CELSR2: variants seen among roughly 807,000 people sequenced by gnomAD.
CELSR2 encodes EGF-like protein 2.
A neutral mutation model predicts 251.6 loss-of-function variants in CELSR2; 81 were observed. That is an observed-to-expected ratio of 0.32 (90% CI 0.27 to 0.39). CELSR2 has a LOEUF of 0.39. Among genes scored for constraint, CELSR2 ranks in the 10% least tolerant of loss-of-function variants. The probability of loss-of-function intolerance (pLI) is 1.00; values close to 1 mark genes in which losing one functional copy is unlikely to be tolerated. For synonymous variants in CELSR2, 1,721 were observed against 1,670.5 expected (o/e 1.03, Z -0.74); for missense variants, 3,365 against 3,947.7 (o/e 0.85, Z 3.96).
rs747244877 is a variant in CELSR2 at position 109,251,202 on chromosome 1, G to A, written c.1123G>A (p.Asp375Asn). The change falls in exon 1 of 34, where the codon GAC (aspartate) becomes AAC (asparagine). Residue 375 changes from aspartate (D) to asparagine (N), a missense_variant. Coordinates refer to ENST00000271332, the MANE Select transcript of CELSR2 (RefSeq NM_001408.3). This position sits in a 1 kb window ranked among gnomAD's most constrained non-coding sequence, Gnocchi z 4.9. The stretch of plus-strand genomic sequence containing the variant: ...GGTAGAGGCAAGTGACCAGGGTCGG[G>A]ACCCGGGTCCTCGGAGTACCACAGC... ...LTVEASDQGRDPGPRSTTAAV... is the reference protein window; with the variant it reads ...LTVEASDQGRNPGPRSTTAAV... 3.7e-6 allele frequency: 6 copies of A among 1,613,876 alleles called. No homozygotes were observed. In the East Asian group the frequency reaches 8.9e-5, roughly 24 times the overall value.
At chr1:109,265,664 G>T (rs777767751) in intron 13 of CELSR2, 71 bp from the exon 14 acceptor site, 73 of 1,554,320 alleles carry the variant, frequency 4.7e-5, no homozygotes, top group Non-Finnish European at 6.1e-5. Flanking sequence ...AGGGGCCACA[G>T]CTGAGAAGGA....
rs776641207 is a variant in CELSR2, at chr1:109,268,004, G to A, written c.6262G>A (p.Glu2088Lys). 5 of 1,609,978 alleles carry A rather than the reference G, an allele frequency of 3.1e-6. No homozygotes were observed. The highest frequency in any genetic ancestry group is 1.1e-5 in the South Asian group (1 of 91,010). ...YQLATRLLAH[E>K]STQRGFGLSA... ...GCTGGCCACGCGGCTGCTGGCCCACGAGAGCACCCAGCGGGGCTTTGGGCT... is the reference window on the plus strand; with the variant it reads ...GCTGGCCACGCGGCTGCTGGCCCACAAGAGCACCCAGCGGGGCTTTGGGCT... The change falls in exon 17 of 34, where the codon GAG becomes AAG. Residue 2088 changes from glutamate to lysine, a missense_variant. Coordinates refer to ENST00000271332, the MANE Select transcript of CELSR2 (RefSeq NM_001408.3).
At position 109,273,533 on chromosome 1, in the gene CELSR2, C is replaced by T. The variant is rs552633270; in HGVS notation, c.8607C>T (p.Ser2869=). 41 of 1,595,928 alleles carry T rather than the reference C, an allele frequency of 2.6e-5. No homozygotes were observed. Among genetic ancestry groups the T allele is most frequent in the East Asian group, 9.2e-5 (4 of 43,686 alleles). ...EQCTGSSRGS[S]ASEGSRGGPP... ...GCACAGGGTCTTCCCGGGGCTCCTC[C>T]GCTAGTGAGGGCAGCCGGGGAGGCC... is the stretch of plus-strand genomic sequence containing the variant. Residue 2869 remains serine (S), a synonymous_variant, in exon 33 of 34, where the codon TCC becomes TCT. Coordinates refer to ENST00000271332, the MANE Select transcript of CELSR2 (RefSeq NM_001408.3).
intron 6 of CELSR2, 79 bp from the exon 7 acceptor site, chr1:109,262,727 T>A (rs1656053274): frequency 1.9e-6 from 3 of 1,571,334 alleles, no homozygotes; most frequent in Non-Finnish European, 2.6e-6. Context: ...CGTTCGTGTC[T>A]CTGGCCTGGC....
Position 109,265,175 on chromosome 1 carries a change from G to C in CELSR2, c.5607-16G>C. On this transcript the variant is annotated splice_polypyrimidine_tract_variant and intron_variant, in intron 12 of 33. Transcript: ENST00000271332. ...TGGCAGGGGGAGCTCATGCCTACCT[G>C]GGTCCCTCTCTGCAGGATTGACCAG... 6.3e-7 allele frequency: 1 copy of C among 1,584,016 alleles called. No individual in the cohort carries two copies. The highest frequency in any genetic ancestry group is 8.6e-7 in the Non-Finnish European group (1 of 1,163,186).
chr1:109,263,532 G>GCCGCCA, intron 8 of CELSR2, 79 bp from the exon 9 acceptor site: 5 of 1,554,502 alleles, frequency 3.2e-6, no homozygotes, highest in South Asian at 1.2e-5. Context: ...CTCCCGTGCA[G>GCCGCCA]CCGCCACCGC....
In CELSR2 at chr1:109,263,916, A is replaced by G. The variant is rs1186444802; in HGVS notation, c.5001+139A>G. 37 of 1,385,516 alleles carry G rather than the reference A, an allele frequency of 2.7e-5. 1 individual carries two copies. Among genetic ancestry groups the G allele is most frequent in the Admixed American group, 1.3e-4 (5 of 39,698 alleles). 85.8% of individuals were successfully genotyped at this position (1,385,516 alleles called of 1,614,324 possible). A position where few individuals can be genotyped will look rare whatever the true frequency, so the allele number is the denominator to read the frequency against. ...GCCGCTGGATCCGTTGGGAAGGTCAATGCTGCCACCTGTTGGGCCTGAGGG... is the reference window on the plus strand; with the variant it reads ...GCCGCTGGATCCGTTGGGAAGGTCAGTGCTGCCACCTGTTGGGCCTGAGGG... On this transcript the variant is annotated intron_variant, in intron 9 of 33. Coordinates refer to ENST00000271332, the MANE Select transcript of CELSR2 (RefSeq NM_001408.3).
Position 109,264,323 on chromosome 1 carries a change from G to T in CELSR2, c.5247G>T (p.Gly1749=). ...LSNITVGGIP[G]PAGGVARGFR... is the part of the protein sequence containing the mutation. ...ACATAACAGTGGGCGGAATACCTGGGCCAGCCGGCGGTGTGGCCCGTGGCT... is the reference window on the plus strand; with the variant it reads ...ACATAACAGTGGGCGGAATACCTGGTCCAGCCGGCGGTGTGGCCCGTGGCT... The change falls in exon 10 of 34, where the codon GGG becomes GGT. Residue 1749 remains glycine (G), a synonymous_variant. Transcript: ENST00000271332. 6.2e-7 allele frequency: 1 copy of T among 1,612,738 alleles called. No homozygotes were observed. The highest frequency in any genetic ancestry group is 8.5e-7 in the Non-Finnish European group (1 of 1,179,058).
chr1:109,251,926 C>CA lies in CELSR2; in HGVS notation c.1848dup (p.Val617SerfsTer5). 1 of 1,614,170 alleles carries CA rather than the reference C, an allele frequency of 6.2e-7. No homozygotes were observed. Among genetic ancestry groups the CA allele is most frequent in the Non-Finnish European group, 8.5e-7 (1 of 1,180,022 alleles). On this transcript the variant is annotated frameshift_variant, in exon 1 of 34. Coordinates refer to ENST00000271332, the MANE Select transcript of CELSR2 (RefSeq NM_001408.3). LOFTEE classifies it high-confidence loss of function. This position sits in a 1 kb window ranked among gnomAD's most constrained non-coding sequence, Gnocchi z 4.9. The stretch of plus-strand genomic sequence containing the variant: ...CCAACCTTTACCCAACCAGAGTACA[C>CA]AGTGCGGCTCAATGAGGATGCAGCT...
At position 109,261,611 on chromosome 1, in the gene CELSR2, A is replaced by G; in HGVS notation, c.4280A>G (p.Gln1427Arg). Residue 1427 changes from glutamine to arginine, a missense_variant, in exon 4 of 34, where the codon CAG becomes CGG. Physicochemically the swap from Gln to Arg is conservative, Grantham distance 43. Around this residue, in one of 5 missense-constraint regions of CELSR2, gnomAD observed 2,093 missense variants for 2,382.8 expected, o/e 0.88. Transcript: ENST00000271332. This position sits in a 1 kb window ranked among gnomAD's most constrained non-coding sequence, Gnocchi z 4.8. Reference sequence around the variant, plus strand: ...CTCGAGGTGATCCAGGAGCAGGTCCAGCTCACCTTCTCTGCAGGTGATCAC... The same window carrying G: ...CTCGAGGTGATCCAGGAGCAGGTCCGGCTCACCTTCTCTGCAGGTGATCAC... ...VALEVIQEQV[Q>R]LTFSAGESTT... 1.2e-6 allele frequency: 2 copies of G among 1,613,940 alleles called. No individual in the cohort carries two copies. The highest frequency in any genetic ancestry group is 4.5e-5 in the East Asian group (2 of 44,874).
chr1:109,250,318 C>T lies in CELSR2; in HGVS notation c.239C>T (p.Thr80Ile), dbSNP rs750059431. ...SRCRDAGTEL[T>I]GHLVPHHDGL... ...TGCAGGGATGCGGGCACTGAGCTGA[C>T]TGGCCACCTGGTACCCCACCACGAT... Residue 80 changes from threonine (T) to isoleucine (I), a missense_variant, in exon 1 of 34, where the codon ACT becomes ATT. Transcript: ENST00000271332. This position sits in a 1 kb window ranked among gnomAD's most constrained non-coding sequence, Gnocchi z 4.4. 6.2e-6 allele frequency: 10 copies of T among 1,613,352 alleles called. No homozygotes were observed. In the South Asian group the frequency reaches 8.8e-5, roughly 14 times the overall value.
intron 13 of CELSR2, 73 bp from the exon 14 acceptor site, chr1:109,265,662 C>T: frequency 1.3e-6 from 2 of 1,548,424 alleles, no homozygotes; most frequent in Non-Finnish European, 8.8e-7. Flanking sequence ...ACAGGGGCCA[C>T]AGCTGAGAAG....
intron 17 of CELSR2, 81 bp downstream of exon 17, chr1:109,268,141 G>A: frequency 6.6e-7 from 1 of 1,511,150 alleles, no homozygotes; most frequent in African/African-American, 1.4e-5. Flanking sequence ...CTGGGGGGCA[G>A]AGGGGGCCCT....
chr1:109,271,576 C>T, intron 27 of CELSR2, 24 bp from the exon 28 acceptor site: 1 of 1,614,140 alleles, frequency 6.2e-7, no homozygotes, highest in Non-Finnish European at 8.5e-7. Flanking sequence ...TATGCACAGA[C>T]CGTTGCTGCC....
At position 109,263,751 on chromosome 1, in the gene CELSR2, A is replaced by C. The variant is rs1193621669; in HGVS notation, c.4975A>C (p.Arg1659=). The change falls in exon 9 of 34, where the codon AGG becomes CGG. Residue 1659 remains arginine, a synonymous_variant. Coordinates refer to ENST00000271332, the MANE Select transcript of CELSR2 (RefSeq NM_001408.3). ...CGGTGTCCTGCTGCAGGCCATCACCAGGGGGCGCAGCACCATCACCCTACA... is the reference window on the plus strand; with the variant it reads ...CGGTGTCCTGCTGCAGGCCATCACCCGGGGGCGCAGCACCATCACCCTACA... ...ADGVLLQAIT[R]GRSTITLQLR... 9 of 1,613,414 alleles carry C rather than the reference A, an allele frequency of 5.6e-6. No individual in the cohort carries two copies. Among genetic ancestry groups the C allele is most frequent in the Non-Finnish European group, 7.6e-6 (9 of 1,179,950 alleles).
intron 28 of CELSR2, among the ~76,000 whole-genome samples, chr1:109,272,030 C>T (rs1361554478): frequency 6.6e-6 from 1 of 152,194 alleles, no homozygotes; most frequent in Non-Finnish European, 1.5e-5. Context: ...TTTCTGGTCT[C>T]ATCTTTTACA....
At chr1:109,266,323 T>C in intron 15 of CELSR2, 117 bp downstream of exon 15, 2 of 1,209,290 alleles carry the variant, frequency 1.7e-6, no homozygotes, top group Non-Finnish European at 2.3e-6. Context: ...CTCCAGGTCC[T>C]GGGATTTCAT....
chr1:109,258,157 G>A (rs1028872024), intron 1 of CELSR2, among the ~76,000 whole-genome samples: 2 of 152,184 alleles, frequency 1.3e-5, no homozygotes, highest in African/African-American at 2.4e-5. Context: ...AGACTCTGGG[G>A]GAAGGGAGCA....
Position 109,269,421 on chromosome 1 carries a change from C to G in CELSR2, c.6813-3C>G, listed in dbSNP as rs1656302036. The G allele has an allele frequency of 4.3e-6, 7 of 1,613,342 alleles. 1 individual carries two copies. The South Asian group carries it at 6.6e-5, about 15-fold the overall frequency. ...GACTGTGCACCTGACTGCCCCACAT[C>G]AGAGTCCCCAAACGCCCGATCATCA... On this transcript the variant is annotated splice_polypyrimidine_tract_variant and splice_region_variant and intron_variant, in intron 20 of 33. Transcript: ENST00000271332. This position sits in a 1 kb window ranked among gnomAD's most constrained non-coding sequence, Gnocchi z 6.4.
Sources: gnomAD v4.1 joint callset for allele counts (sites outside exome capture counted in the v4.1 genomes callset) on GRCh38, gnomAD v4.1.1 for gene constraint, gnomAD v4.1.1 regional missense constraint, Gnocchi (gnomAD v3.1) non-coding constraint, MANE v1.5 for transcripts, NCBI Gene and HGNC (gene_info 2026-07-23, HGNC 2026-07-21) for gene names.